TACR1: variants seen among roughly 807,000 people sequenced by gnomAD.
TACR1 encodes substance-P receptor.
TACR1 carries 25 observed loss-of-function variants against 35.8 expected under a neutral mutation model. The ratio of observed to expected loss-of-function variants is 0.70; its 90% CI spans 0.51 to 0.98. TACR1 has a LOEUF of 0.98. TACR1 is among the 50% of genes least tolerant of loss of function. TACR1 has a pLI of 0.00. For missense variants in TACR1, 478 were observed against 522.9 expected, an observed-to-expected ratio of 0.91 and a Z score of 0.84; for synonymous variants, 195 against 206.7, an observed-to-expected ratio of 0.94 and a Z score of 0.48.
At chr2:75,130,405 A>G (rs1674154881) in intron 1 of TACR1, among the ~76,000 whole-genome samples, 1 of 152,194 alleles carries the variant, frequency 6.6e-6, no homozygotes, top group Non-Finnish European at 1.5e-5. Context: ...GAAGCCCCTA[A>G]CAGTTTAAGT....
intron 1 of TACR1, among the ~76,000 whole-genome samples, chr2:75,134,569 A>G (rs2103935678): frequency 6.6e-6 from 1 of 152,244 alleles, no homozygotes; most frequent in East Asian, 1.9e-4. Flanking sequence ...GTGACATTTG[A>G]ATTTGACCTG....
At chr2:75,075,972 T>A (rs1558544476) in intron 2 of TACR1, among the ~76,000 whole-genome samples, 2 of 152,172 alleles carry the variant, frequency 1.3e-5, no homozygotes, top group African/African-American at 4.8e-5. Context: ...ATAAAGCAAA[T>A]CCCAACAGAA....
chr2:75,145,137 A>G (rs1441427080), intron 1 of TACR1, among the ~76,000 whole-genome samples: 1 of 152,174 alleles, frequency 6.6e-6, no homozygotes, highest in Non-Finnish European at 1.5e-5. Context: ...ATTAGATCAA[A>G]AGAGAAAAAA....
chr2:75,094,507 C>T (rs935604214), intron 2 of TACR1, among the ~76,000 whole-genome samples: 1 of 152,070 alleles, frequency 6.6e-6, no homozygotes, highest in Admixed American at 6.6e-5. Context: ...GTCAAGTCTA[C>T]ATAGTTTGTG....
intron 1 of TACR1, among the ~76,000 whole-genome samples, chr2:75,145,029 A>G (rs1674477487): frequency 6.6e-6 from 1 of 152,190 alleles, no homozygotes; most frequent in African/African-American, 2.4e-5. Context: ...GAATGTATTA[A>G]CACAGCCTGA....
chr2:75,049,319 T>G lies in TACR1; in HGVS notation c.*113A>C. ...TTCCCTAACCCATACTGACCCTTTTTGCAAGTCCCAGTGTGAGGGTGTTTC... is the reference window on the plus strand; with the variant it reads ...TTCCCTAACCCATACTGACCCTTTTGGCAAGTCCCAGTGTGAGGGTGTTTC... On this transcript the variant is annotated 3_prime_UTR_variant, in exon 5 of 5. Transcript: ENST00000305249. 1 of 1,226,346 alleles carries G rather than the reference T, an allele frequency of 8.2e-7. No individual in the cohort carries two copies. Among genetic ancestry groups the G allele is most frequent in the Non-Finnish European group, 1.1e-6 (1 of 882,540 alleles). The allele number at this position is 1,226,346 out of a possible 1,614,324, so 76.0% of individuals were successfully genotyped here. A position where few individuals can be genotyped will look rare whatever the true frequency, so the allele number is the denominator to read the frequency against.
Position 75,062,606 on chromosome 2 carries a change from G to A in TACR1, c.585-8851C>T, listed in dbSNP as rs1168734147. The stretch of plus-strand genomic sequence containing the variant: ...ATTTACAATGATCTAATATTTAAGC[G>A]ATACTTTAATTAACATATTCAAATA... On this transcript the variant is annotated intron_variant, in intron 2 of 4. Transcript: ENST00000305249. Among the ~76,000 whole-genome samples, 8 of 152,222 alleles carry A rather than the reference G, an allele frequency of 5.3e-5. No individual in the cohort carries two copies. In the South Asian group the frequency reaches 6.2e-4, roughly 12 times the overall value.
At chr2:75,129,970 A>G (rs1185593977) in intron 1 of TACR1, among the ~76,000 whole-genome samples, 1 of 152,212 alleles carries the variant, frequency 6.6e-6, no homozygotes, top group African/African-American at 2.4e-5. Flanking sequence ...TATTCGAACT[A>G]AAAAGCCAGA....
At chr2:75,137,753 A>G (rs993986005) in intron 1 of TACR1, among the ~76,000 whole-genome samples, 3 of 151,036 alleles carry the variant, frequency 2.0e-5, no homozygotes, top group Admixed American at 1.3e-4. Context: ...AAAAAAAAAA[A>G]AAAGAAAAAA....
intron 1 of TACR1, among the ~76,000 whole-genome samples, chr2:75,143,974 G>C (rs1674458107): frequency 6.6e-6 from 1 of 152,104 alleles, no homozygotes; most frequent in Non-Finnish European, 1.5e-5. Flanking sequence ...TCTAATGCTG[G>C]TACATAGAAC....
At chr2:75,178,696 G>A (rs1675487821) in intron 1 of TACR1, among the ~76,000 whole-genome samples, 1 of 152,066 alleles carries the variant, frequency 6.6e-6, no homozygotes, top group South Asian at 2.1e-4. Context: ...GTCAAATCTA[G>A]TGGTCCAGTC....
intron 1 of TACR1, among the ~76,000 whole-genome samples, chr2:75,144,493 C>T (rs1187782525): frequency 6.6e-6 from 1 of 152,170 alleles, no homozygotes; most frequent in Non-Finnish European, 1.5e-5. Context: ...GAACCATGGA[C>T]ATACAGTGCT....
chr2:75,088,175 C>G (rs924267073), intron 2 of TACR1, among the ~76,000 whole-genome samples: 1 of 152,192 alleles, frequency 6.6e-6, no homozygotes, highest in Admixed American at 6.5e-5. Flanking sequence ...CCTGCTCCTT[C>G]TGTGGCCGCA....
intron 1 of TACR1, among the ~76,000 whole-genome samples, chr2:75,185,479 G>A (rs1183990012): frequency 6.6e-6 from 1 of 151,992 alleles, no homozygotes. Flanking sequence ...AAAGGTTATA[G>A]CCTTTAATAT....
intron 2 of TACR1, among the ~76,000 whole-genome samples, chr2:75,073,460 A>G (rs1256829435): frequency 6.6e-6 from 1 of 152,208 alleles, no homozygotes; most frequent in East Asian, 1.9e-4. Flanking sequence ...GGGACCATAC[A>G]TGAGGTTGGA....
Position 75,075,338 on chromosome 2 carries a change from C to T in TACR1, c.585-21583G>A, listed in dbSNP as rs190699227. Among the ~76,000 whole-genome samples the T allele has an allele frequency of 5.3e-5, 8 of 152,266 alleles. No homozygotes were observed. In the East Asian group the frequency reaches 9.7e-4, roughly 18 times the overall value. ...GCTGGTGGGTGTGTAAATTCGTGCA[C>T]CTACTTTGGAAAACAATTATCTTAC... On this transcript the variant is annotated intron_variant, in intron 2 of 4. Coordinates refer to ENST00000305249, the MANE Select transcript of TACR1 (RefSeq NM_001058.4).
chr2:75,194,451 A>G (rs1362965961), intron 1 of TACR1, among the ~76,000 whole-genome samples: 1 of 152,192 alleles, frequency 6.6e-6, no homozygotes, highest in Non-Finnish European at 1.5e-5. Flanking sequence ...GTGAGGGAAG[A>G]CTGCTCTGAG....
chr2:75,089,948 C>T (rs1348965626), intron 2 of TACR1, among the ~76,000 whole-genome samples: 1 of 152,154 alleles, frequency 6.6e-6, no homozygotes, highest in African/African-American at 2.4e-5. Context: ...CAGCTCATTA[C>T]CATCTTAATC....
At chr2:75,161,065 G>T (rs1004220824) in intron 1 of TACR1, among the ~76,000 whole-genome samples, 2 of 151,870 alleles carry the variant, frequency 1.3e-5, no homozygotes. Flanking sequence ...CCTAAGTTGT[G>T]CTAAGGTAAC....
Sources: allele counts gnomAD v4.1 joint callset (sites outside exome capture counted in the v4.1 genomes callset), GRCh38; gene constraint gnomAD v4.1.1; transcripts MANE v1.5; gene names NCBI Gene and HGNC (gene_info 2026-07-23, HGNC 2026-07-21).